Variants in SRPK1 observed in about 807,000 individuals in gnomAD.
The protein encoded by SRPK1 is SRSF protein kinase 1, also known as SFRS protein kinase 1.
In SRPK1, 52 loss-of-function variants were observed where a neutral mutation model predicts 89.5. The observed-to-expected ratio is 0.58, with a 90% CI of 0.46 to 0.73. The LOEUF (loss-of-function observed/expected upper bound fraction) is 0.73, where lower values mean the gene tolerates loss of function less well. Among genes scored for constraint, SRPK1 ranks in the 30% least tolerant of loss-of-function variants. SRPK1 has a pLI of 0.00. For synonymous variants in SRPK1, 255 were observed against 270.2 expected, an observed-to-expected ratio of 0.94 and a Z score of 0.55; for missense variants, 603 against 780.6, an observed-to-expected ratio of 0.77 and a Z score of 2.71.
chr6:35,887,980 T>G (rs753448264), intron 5 of SRPK1, 44 bp downstream of exon 5: 38 of 1,368,596 alleles, frequency 2.8e-5, no homozygotes, highest in Non-Finnish European at 3.7e-5. Context: ...GAAACTTGAT[T>G]TATTTATAAT....
intron 2 of SRPK1, among the ~76,000 whole-genome samples, chr6:35,901,332 A>G (rs1770734737): frequency 6.6e-6 from 1 of 152,104 alleles, no homozygotes; most frequent in Non-Finnish European, 1.5e-5. Context: ...TCCTTTTAAA[A>G]AGAGAAAATC....
At chr6:35,852,684 GAGA>G (rs1385209301) in intron 13 of SRPK1, among the ~76,000 whole-genome samples, 3 of 152,196 alleles carry the variant, frequency 2.0e-5, no homozygotes, top group Non-Finnish European at 4.4e-5. Context: ...GGTGATGATG[GAGA>G]AAGAGCTCTT....
chr6:35,897,633 G>A (rs113534907), intron 2 of SRPK1, among the ~76,000 whole-genome samples: 16 of 152,118 alleles, frequency 1.1e-4, no homozygotes, highest in African/African-American at 3.6e-4. Context: ...TCCCACCTCA[G>A]TCCCAAGTAT....
chr6:35,894,072 C>A (rs150063937), intron 2 of SRPK1, among the ~76,000 whole-genome samples: 356 of 152,138 alleles, frequency 2.3e-3, no homozygotes, highest in Middle Eastern at 6.8e-3. Context: ...GGCTATCAAT[C>A]AGGTCTCTAA....
chr6:35,916,996 G>T (rs1375563567), intron 2 of SRPK1, among the ~76,000 whole-genome samples: 2 of 152,096 alleles, frequency 1.3e-5, no homozygotes, highest in Non-Finnish European at 2.9e-5. Context: ...GGAGGCAGAG[G>T]TTGCAGTGAG....
rs749231419 is a variant in SRPK1, at chr6:35,920,482, G to A, written c.60C>T (p.Asp20=). 96 of 1,613,398 alleles carry A rather than the reference G, an allele frequency of 6.0e-5. No homozygotes were observed. Among genetic ancestry groups the A allele is most frequent in the Admixed American group, 3.2e-4 (19 of 60,008 alleles). The change falls in exon 2 of 16, where the codon GAC becomes GAT. Residue 20 remains aspartate, a synonymous_variant. Transcript: ENST00000373825. Reference sequence around the variant, plus strand: ...ACAAGACTCACTTCCTTTGGGCTTTGTCCTTCTTGGCCTTGGTCCTTTTCT... The same window carrying A: ...ACAAGACTCACTTCCTTTGGGCTTTATCCTTCTTGGCCTTGGTCCTTTTCT... ...ARKKRTKAKK[D]KAQRKSETQH...
intron 2 of SRPK1, among the ~76,000 whole-genome samples, chr6:35,903,160 C>T (rs928279375): frequency 5.9e-5 from 9 of 151,738 alleles, no homozygotes; most frequent in Admixed American, 5.9e-4. Flanking sequence ...GATAGGGTTG[C>T]CTACAAGGTA....
In SRPK1 at chr6:35,902,073, C is replaced by T. The variant is rs547269166; in HGVS notation, c.75-11060G>A. ...TATACATGAAAATGAAACACCAACA[C>T]ATGAGCTAAAACTATTAGTTTGATA... is the stretch of plus-strand genomic sequence containing the variant. On this transcript the variant is annotated intron_variant, in intron 2 of 15. Transcript: ENST00000373825. 2.0e-5 allele frequency among the ~76,000 whole-genome samples: 3 copies of T among 152,064 alleles called. No individual in the cohort carries two copies. The South Asian group carries it at 6.2e-4, about 32-fold the overall frequency.
intron 2 of SRPK1, 185 bp downstream of exon 2, chr6:35,920,283 T>C (rs748026573): frequency 8.7e-6 from 6 of 688,690 alleles, no homozygotes; most frequent in East Asian, 2.8e-5. Flanking sequence ...GACCCAGGCC[T>C]GGCGTTGAGC....
chr6:35,836,045 A>T (rs1769170658), intron 15 of SRPK1, among the ~76,000 whole-genome samples: 1 of 152,128 alleles, frequency 6.6e-6, no homozygotes, highest in African/African-American at 2.4e-5. Context: ...CCCCAACTCT[A>T]TACCAATACC....
Position 35,870,460 on chromosome 6 carries a change from A to C in SRPK1, c.812T>G (p.Leu271Trp), listed in dbSNP as rs752474658. ...DKMSKNKKKK[L>W]KKKQKRQAEL... ...TGCCTGGCGCTTCTGCTTCTTCTTC[A>C]ATTTCTTCTTCTTATTCTTTGACAT... The change falls in exon 10 of 16, where the codon TTG becomes TGG. Residue 271 changes from leucine (L) to tryptophan (W), a missense_variant. Coordinates refer to ENST00000373825, the MANE Select transcript of SRPK1 (RefSeq NM_003137.5). 3.9e-6 allele frequency: 6 copies of C among 1,552,368 alleles called. No homozygotes were observed. The highest frequency in any genetic ancestry group is 4.4e-6 in the Non-Finnish European group (5 of 1,147,420).
At chr6:35,895,380 C>T (rs1770608010) in intron 2 of SRPK1, among the ~76,000 whole-genome samples, 2 of 151,792 alleles carry the variant, frequency 1.3e-5, no homozygotes, top group Non-Finnish European at 1.5e-5. Context: ...TTTCATGTTA[C>T]GAAGTTAAAG....
chr6:35,841,830 C>CAAA (rs749935901), intron 14 of SRPK1, among the ~76,000 whole-genome samples: 14 of 44,706 alleles, frequency 3.1e-4, no homozygotes, highest in South Asian at 9.3e-4. Flanking sequence ...GACTCCGTCT[C>CAAA]AAAAAAAAAA....
chr6:35,884,987 A>C (rs554899119), intron 6 of SRPK1, among the ~76,000 whole-genome samples: 4 of 152,160 alleles, frequency 2.6e-5, no homozygotes, highest in Non-Finnish European at 5.9e-5. Flanking sequence ...AAAAAGAAAA[A>C]TATCTTGGAA....
At chr6:35,908,770 G>A (rs1223562608) in intron 2 of SRPK1, among the ~76,000 whole-genome samples, 4 of 152,234 alleles carry the variant, frequency 2.6e-5, no homozygotes, top group South Asian at 2.1e-4. Context: ...AGATCTTGGC[G>A]ACAGCCCCTC....
Position 35,915,997 on chromosome 6 carries a change from TACACACACACACACACACACAC to T in SRPK1, c.74+4449_74+4470del, listed in dbSNP as rs57574093. ...AAAAACAAAAAAAAAAAAAAATATA[TACACACACACACACACACACAC>T]ACACACACACACACACACACACACG... On this transcript the variant is annotated intron_variant, in intron 2 of 15. Coordinates refer to ENST00000373825, the MANE Select transcript of SRPK1 (RefSeq NM_003137.5). 8.2e-4 allele frequency among the ~76,000 whole-genome samples: 74 copies of T among 90,210 alleles called. No individual in the cohort carries two copies. In the Middle Eastern group the frequency reaches 0.016, roughly 20 times the overall value. 59.2% of individuals were successfully genotyped at this position (90,210 alleles called of 152,430 possible). A position where few individuals can be genotyped will look rare whatever the true frequency, so the allele number is the denominator to read the frequency against.
chr6:35,866,777 G>C lies in SRPK1; in HGVS notation c.1512+2233C>G, dbSNP rs528552261. On this transcript the variant is annotated intron_variant, in intron 12 of 15. Transcript: ENST00000373825. ...AATTACAACTACGGAATCAACCCAA[G>C]TGTCTAGGAGTAGATAAAGAAAATG... Among the ~76,000 whole-genome samples the C allele has an allele frequency of 6.0e-4, 92 of 152,222 alleles. 1 individual carries two copies. Among genetic ancestry groups the C allele is most frequent in the Non-Finnish European group, 1.0e-3 (69 of 68,024 alleles).
At chr6:35,855,044 G>A (rs1769638513) in intron 13 of SRPK1, among the ~76,000 whole-genome samples, 1 of 152,184 alleles carries the variant, frequency 6.6e-6, no homozygotes, top group Non-Finnish European at 1.5e-5. Context: ...GCTCACACCT[G>A]TAATCCCAGC....
At chr6:35,915,903 C>T (rs370236272) in intron 2 of SRPK1, among the ~76,000 whole-genome samples, 3 of 144,754 alleles carry the variant, frequency 2.1e-5, no homozygotes, top group East Asian at 2.1e-4. Flanking sequence ...ACCCAGGAGG[C>T]GGAGGTTGCA....
Sources: allele counts gnomAD v4.1 joint callset (sites outside exome capture counted in the v4.1 genomes callset), GRCh38; gene constraint gnomAD v4.1.1; transcripts MANE v1.5; gene names NCBI Gene and HGNC (gene_info 2026-07-23, HGNC 2026-07-21).